POF1B: variants seen among roughly 807,000 people sequenced by gnomAD.
POF1B encodes the protein POF1B actin binding protein.
In POF1B, 53 loss-of-function variants were observed where a neutral mutation model predicts 55.3. The observed-to-expected ratio is 0.96, with a 90% confidence interval of 0.77 to 1.20. POF1B has a LOEUF of 1.20. Among genes scored for constraint, POF1B ranks in the 50% most tolerant of loss-of-function variants. The probability of loss-of-function intolerance (pLI) is 0.00; values close to 1 mark genes in which losing one functional copy is unlikely to be tolerated. For synonymous variants in POF1B, 188 were observed against 148.3 expected (o/e 1.27, Z -1.95); for missense variants, 478 against 420.5 (o/e 1.14, Z -1.20).
intron 15 of POF1B, among the ~76,000 whole-genome samples, chrX:85,295,627 G>A (rs559288752): frequency 9.0e-6 from 1 of 111,343 alleles, no homozygotes; most frequent in East Asian, 2.8e-4. Flanking sequence ...ATTTATTGAG[G>A]CTTACTTTAT....
intron 4 of POF1B, among the ~76,000 whole-genome samples, chrX:85,355,054 A>G (rs1933463415): frequency 9.0e-6 from 1 of 111,571 alleles, no homozygotes; most frequent in Non-Finnish European, 1.9e-5. Flanking sequence ...CTGACTTCAA[A>G]CTATACTACA....
At chrX:85,299,781 T>C (rs1932403644) in intron 15 of POF1B, among the ~76,000 whole-genome samples, 1 of 112,061 alleles carries the variant, frequency 8.9e-6, no homozygotes, top group Non-Finnish European at 1.9e-5. Flanking sequence ...GTGCTGGGAT[T>C]ACAGGCGTGA....
At chrX:85,279,616 T>TG (rs1363302016) in intron 16 of POF1B, among the ~76,000 whole-genome samples, 190 bp from the exon 17 acceptor site, 15 of 110,933 alleles carry the variant, frequency 1.4e-4, no homozygotes, top group African/African-American at 3.9e-4. Context: ...ACTTTACTCA[T>TG]GGTATGTTTC....
intron 3 of POF1B, among the ~76,000 whole-genome samples, chrX:85,362,743 G>T (rs972884745): frequency 2.7e-5 from 3 of 111,343 alleles, no homozygotes; most frequent in Non-Finnish European, 1.9e-5. Flanking sequence ...TTGGTATCAG[G>T]ATGATGCTGG....
intron 3 of POF1B, among the ~76,000 whole-genome samples, chrX:85,363,224 T>G (rs772505596): frequency 1.9e-4 from 21 of 111,053 alleles, no homozygotes; most frequent in South Asian, 1.5e-3. Flanking sequence ...TCTTTTGAAT[T>G]TTTTTTTGCA....
At chrX:85,340,051 C>T (rs1465162726) in intron 6 of POF1B, among the ~76,000 whole-genome samples, 2 of 110,912 alleles carry the variant, frequency 1.8e-5, no homozygotes. Context: ...GAAGGCAAGG[C>T]TACCTGCAGA....
chrX:85,351,873 G>A (rs917989210), intron 4 of POF1B, among the ~76,000 whole-genome samples: 1 of 109,633 alleles, frequency 9.1e-6, no homozygotes, highest in African/African-American at 3.4e-5. Context: ...ATTTCAGCAC[G>A]ACTAGGCCAC....
chrX:85,372,586 C>T (rs1933847655), intron 2 of POF1B, among the ~76,000 whole-genome samples: 1 of 106,194 alleles, frequency 9.4e-6, no homozygotes, highest in African/African-American at 3.4e-5. Flanking sequence ...AGATGGGGAC[C>T]TAGGGGACGG....
chrX:85,299,446 G>A lies in POF1B; in HGVS notation c.1649+3960C>T, dbSNP rs6617042. On this transcript the variant is annotated intron_variant, in intron 15 of 16. Transcript: ENST00000262753. ...TGGGACTACAGGCGCCCGCTACCAC[G>A]CCTGGCTAATTTTTTGTATTTTTAG... is the stretch of plus-strand genomic sequence containing the variant. Among the ~76,000 whole-genome samples, 2,515 of 104,733 alleles carry A rather than the reference G, an allele frequency of 0.024. 173 individuals carry two copies. The East Asian group carries it at 0.33, about 14-fold the overall frequency. 90.9% of individuals were successfully genotyped at this position (104,733 alleles called of 115,157 possible).
At chrX:85,314,400 A>T in intron 9 of POF1B, 32 bp downstream of exon 9, 1 of 1,126,232 alleles carries the variant, frequency 8.9e-7, no homozygotes, top group East Asian at 3.2e-5. Flanking sequence ...GTTAGTGTTG[A>T]TTTCACACAT....
At chrX:85,294,694 A>G (rs941937751) in intron 15 of POF1B, among the ~76,000 whole-genome samples, 1 of 111,421 alleles carries the variant, frequency 9.0e-6, no homozygotes, top group Non-Finnish European at 1.9e-5. Flanking sequence ...CATTGTGTCT[A>G]TGCCAGATTT....
intron 13 of POF1B, 111 bp from the exon 14 acceptor site, chrX:85,304,582 A>G: frequency 2.6e-6 from 1 of 383,677 alleles, no homozygotes; most frequent in Admixed American, 6.2e-5. Flanking sequence ...AAATGAAAGT[A>G]AAATACCAAT....
At chrX:85,375,806 C>A (rs1378693625) in intron 2 of POF1B, among the ~76,000 whole-genome samples, 1 of 111,783 alleles carries the variant, frequency 8.9e-6, no homozygotes, top group Non-Finnish European at 1.9e-5. Context: ...AGAGGTCATT[C>A]GTAAACACAC....
At chrX:85,294,317 A>G (rs999158250) in intron 15 of POF1B, among the ~76,000 whole-genome samples, 13 of 111,820 alleles carry the variant, frequency 1.2e-4, no homozygotes, top group Non-Finnish European at 2.1e-4. Context: ...GAATGTTTCC[A>G]GCTTTTGTGT....
chrX:85,300,213 C>G (rs945114070), intron 15 of POF1B, among the ~76,000 whole-genome samples: 1 of 111,389 alleles, frequency 9.0e-6, no homozygotes, highest in African/African-American at 3.3e-5. Context: ...TGTACATGCC[C>G]AAGGCTGTAC....
chrX:85,328,082 ATC>A (rs1341203718), intron 7 of POF1B, among the ~76,000 whole-genome samples: 24 of 111,324 alleles, frequency 2.2e-4, no homozygotes, highest in African/African-American at 7.8e-4. Flanking sequence ...CGTGGAGTAT[ATC>A]TCTATTCAAC....
At chrX:85,349,638 T>C (rs948894270) in intron 5 of POF1B, among the ~76,000 whole-genome samples, 7 of 111,033 alleles carry the variant, frequency 6.3e-5, no homozygotes, top group African/African-American at 1.3e-4. Flanking sequence ...CATATGAAGA[T>C]AAATTATTGG....
At chrX:85,355,354 C>T (rs1209538007) in intron 4 of POF1B, among the ~76,000 whole-genome samples, 3 of 111,632 alleles carry the variant, frequency 2.7e-5, no homozygotes, top group Non-Finnish European at 5.7e-5. Flanking sequence ...CCATAAAAAC[C>T]CTAGAAGAAA....
At chrX:85,367,870 A>G in intron 2 of POF1B, 104 bp from the exon 3 acceptor site, 1 of 490,428 alleles carries the variant, frequency 2.0e-6, no homozygotes, top group South Asian at 3.2e-5. Flanking sequence ...CAGAAATAAG[A>G]GCATTATTTA....
Sources: allele counts gnomAD v4.1 joint callset (sites outside exome capture counted in the v4.1 genomes callset), GRCh38; gene constraint gnomAD v4.1.1; transcripts MANE v1.5; gene names NCBI Gene and HGNC (gene_info 2026-07-23, HGNC 2026-07-21).